SHLD2: variants seen among roughly 807,000 people sequenced by gnomAD.
SHLD2 encodes RINN1-REV7-interacting novel NHEJ regulator 2.
Under a neutral mutation model 73.2 loss-of-function variants are expected in SHLD2, and 30 were observed. The observed-to-expected ratio is 0.41, with a 90% confidence interval of 0.31 to 0.56. SHLD2 has a LOEUF of 0.56. SHLD2 is among the 20% of genes least tolerant of loss of function. The pLI, the probability that SHLD2 is intolerant of heterozygous loss-of-function variation, is 0.28. For synonymous variants in SHLD2, 285 were observed against 370.1 expected, an observed-to-expected ratio of 0.77 and a Z score of 2.64; for missense variants, 745 against 1,055.9, an observed-to-expected ratio of 0.71 and a Z score of 4.08.
upstream of SHLD2, chr10:87,094,698 G>A (rs376283515): frequency 1.3e-6 from 2 of 1,496,766 alleles, no homozygotes; most frequent in Non-Finnish European, 8.9e-7. The surrounding 1 kb of genome is among the most constrained non-coding windows in gnomAD (Gnocchi z 6.6). Flanking sequence ...CGGCCGAGTC[G>A]GCGGACGCCG....
At chr10:87,176,308 C>CTATT (rs1268322374) in intron 7 of SHLD2, among the ~76,000 whole-genome samples, 1 of 152,074 alleles carries the variant, frequency 6.6e-6, no homozygotes, top group African/African-American at 2.4e-5. Context: ...CCACACCCAG[C>CTATT]TATTTATTTA....
At chr10:87,169,175 AGCTCT>A (rs1847414750) in intron 4 of SHLD2, among the ~76,000 whole-genome samples, 1 of 152,190 alleles carries the variant, frequency 6.6e-6, no homozygotes, top group African/African-American at 2.4e-5. Context: ...GTTCCCCAAA[AGCTCT>A]ATCTTGTTCA....
At position 87,186,586 on chromosome 10, in the gene SHLD2, C is replaced by T. The variant is rs560871641; in HGVS notation, c.2400-499C>T. Among the ~76,000 whole-genome samples the T allele has an allele frequency of 4.0e-5, 6 of 151,744 alleles. No individual in the cohort carries two copies. The South Asian group carries it at 1.3e-3, about 32-fold the overall frequency. The stretch of plus-strand genomic sequence containing the variant: ...ATGTTGTTGTTCCCTAGAGTCTATC[C>T]TGGTGCTCCTTCCCTAATAGCACTT... On this transcript the variant is annotated intron_variant, in intron 8 of 9. Transcript: ENST00000298786.
chr10:87,123,292 G>A (rs2134093304), intron 2 of SHLD2, among the ~76,000 whole-genome samples: 1 of 152,038 alleles, frequency 6.6e-6, no homozygotes, highest in South Asian at 2.1e-4. Flanking sequence ...GTTATATAGT[G>A]CTATTGTTTC....
At chr10:87,189,035 CTT>C (rs1848837145) in intron 9 of SHLD2, among the ~76,000 whole-genome samples, 1 of 111,812 alleles carries the variant, frequency 8.9e-6, no homozygotes, top group Non-Finnish European at 1.8e-5. Context: ...GAGTTTTGCT[CTT>C]GTTGCCTAGA....
chr10:87,147,492 T>C (rs983642425), intron 2 of SHLD2, among the ~76,000 whole-genome samples: 1 of 151,928 alleles, frequency 6.6e-6, no homozygotes, highest in African/African-American at 2.4e-5. Flanking sequence ...TTCATTATTG[T>C]CTTATCACAG....
intron 2 of SHLD2, among the ~76,000 whole-genome samples, chr10:87,135,190 T>C (rs943694845): frequency 6.6e-6 from 1 of 152,054 alleles, no homozygotes; most frequent in Admixed American, 6.5e-5. Context: ...TATATTAGTA[T>C]GGTATATTTG....
intron 2 of SHLD2, among the ~76,000 whole-genome samples, chr10:87,140,463 C>A (rs183646843): frequency 4.7e-5 from 7 of 150,444 alleles, no homozygotes; most frequent in Non-Finnish European, 1.0e-4. Context: ...AGTGGCTCAT[C>A]ATGGTGGCTC....
At chr10:87,131,349 C>T (rs1844413828) in intron 2 of SHLD2, among the ~76,000 whole-genome samples, 1 of 152,168 alleles carries the variant, frequency 6.6e-6, no homozygotes, top group Admixed American at 6.5e-5. Context: ...ACCCCATACT[C>T]ATTAAGCAGT....
At chr10:87,094,971 G>C (rs1275810651), upstream of SHLD2, 11 of 228,746 alleles carry the variant, frequency 4.8e-5, no homozygotes, top group Admixed American at 1.2e-4. This position sits in a 1 kb window ranked among gnomAD's most constrained non-coding sequence, Gnocchi z 6.6. Context: ...CCAGGGCGCC[G>C]GGCCTCCGCC....
intron 2 of SHLD2, among the ~76,000 whole-genome samples, chr10:87,097,476 C>T (rs1285337907): frequency 6.6e-6 from 1 of 151,988 alleles, no homozygotes; most frequent in Non-Finnish European, 1.5e-5. Context: ...GGGGGTTGGG[C>T]AGTGCTTGTA....
intron 2 of SHLD2, among the ~76,000 whole-genome samples, chr10:87,148,692 A>G (rs1251500372): frequency 6.6e-6 from 1 of 152,038 alleles, no homozygotes; most frequent in Admixed American, 6.6e-5. Flanking sequence ...GCAGTGAGCC[A>G]TGATTGCACC....
intron 2 of SHLD2, among the ~76,000 whole-genome samples, chr10:87,104,967 G>T (rs969697590): frequency 6.6e-5 from 10 of 152,078 alleles, no homozygotes; most frequent in African/African-American, 1.9e-4. Context: ...ACTAAGGTAG[G>T]ATTCTGATCT....
chr10:87,103,845 G>A (rs1589424397), intron 2 of SHLD2, among the ~76,000 whole-genome samples: 1 of 152,242 alleles, frequency 6.6e-6, no homozygotes, highest in Non-Finnish European at 1.5e-5. Flanking sequence ...TCAACTCTTG[G>A]TTAAGGGTTC....
rs1450532718 is a variant in SHLD2, at chr10:87,186,161, A to C, written c.2400-924A>C. On this transcript the variant is annotated intron_variant, in intron 8 of 9. Transcript: ENST00000298786. ...AAATAATGGAGGGAGAGAGAGGCTG[A>C]GGAAAGAGTGTAGAGTGAAAAGAGG... Among the ~76,000 whole-genome samples, 8 of 152,286 alleles carry C rather than the reference A, an allele frequency of 5.3e-5. No homozygotes were observed. The South Asian group carries it at 1.7e-3, about 32-fold the overall frequency.
At chr10:87,119,837 A>G (rs1339965579) in intron 2 of SHLD2, among the ~76,000 whole-genome samples, 6 of 151,906 alleles carry the variant, frequency 3.9e-5, no homozygotes, top group Admixed American at 3.9e-4. Context: ...CACAATTACT[A>G]CTGGATGCCT....
intron 2 of SHLD2, among the ~76,000 whole-genome samples, chr10:87,144,616 A>ATTTTTTTTTTTTTTTTTTT (rs548218721): frequency 1.1e-5 from 1 of 89,494 alleles, no homozygotes; most frequent in Non-Finnish European, 2.0e-5. Flanking sequence ...GCATTTACTA[A>ATTTTTTTTTTTTTTTTTTT]TTTTTTTTTT....
intron 2 of SHLD2, among the ~76,000 whole-genome samples, chr10:87,145,134 G>T (rs989059452): frequency 6.6e-6 from 1 of 151,070 alleles, no homozygotes; most frequent in Non-Finnish European, 1.5e-5. Context: ...GTGGAGACGG[G>T]GTTTCACCGT....
rs1357147908 is a variant in SHLD2 at position 87,152,227 on chromosome 10, T to G, written c.873T>G (p.Ile291Met). Residue 291 changes from isoleucine (I) to methionine (M), a missense_variant, in exon 3 of 10, where the codon ATT (isoleucine) becomes ATG (methionine). Physicochemically the swap from Ile to Met is conservative, Grantham distance 10 (BLOSUM62 1). Around this residue, in one of 5 missense-constraint regions of SHLD2, gnomAD observed 280 missense variants for 353.9 expected, o/e 0.79. Coordinates refer to ENST00000298786, the MANE Select transcript of SHLD2 (RefSeq NM_001330112.2). ...TAAGAATACCTGAAGAGAATTCGATTCAGCTTGATGGTTTTACAGAAGCAT... is the reference window on the plus strand; with the variant it reads ...TAAGAATACCTGAAGAGAATTCGATGCAGCTTGATGGTTTTACAGAAGCAT... ...GEIRIPEENS[I>M]QLDGFTEAYE... is the part of the protein sequence containing the mutation. The G allele has an allele frequency of 5.1e-6, 8 of 1,581,844 alleles. No homozygotes were observed. The South Asian group carries it at 9.1e-5, about 18-fold the overall frequency.
Sources: allele counts gnomAD v4.1 joint callset (sites outside exome capture counted in the v4.1 genomes callset), GRCh38; gene constraint gnomAD v4.1.1; regional missense constraint gnomAD v4.1.1; non-coding constraint Gnocchi (gnomAD v3.1); transcripts MANE v1.5; gene names NCBI Gene and HGNC (gene_info 2026-07-23, HGNC 2026-07-21).